CNTN4: variants seen among roughly 807,000 people sequenced by gnomAD.
The protein encoded by CNTN4 is contactin-4.
A neutral mutation model predicts 122.5 loss-of-function variants in CNTN4; 77 were observed. The ratio of observed to expected loss-of-function variants is 0.63; its 90% CI spans 0.52 to 0.76. The LOEUF (loss-of-function observed/expected upper bound fraction) is 0.76, where lower values mean the gene tolerates loss of function less well. CNTN4 is among the 30% of genes least tolerant of loss of function. The probability of loss-of-function intolerance (pLI) is 0.00; values close to 1 mark genes in which losing one functional copy is unlikely to be tolerated. For missense variants in CNTN4, 1,256 were observed against 1,259.1 expected, an observed-to-expected ratio of 1.00 and a Z score of 0.04; for synonymous variants, 512 against 447.0, an observed-to-expected ratio of 1.15 and a Z score of -1.83.
At chr3:2,737,610 T>A (rs1247687271) in intron 5 of CNTN4, among the ~76,000 whole-genome samples, 2 of 152,318 alleles carry the variant, frequency 1.3e-5, no homozygotes, top group East Asian at 3.9e-4. Flanking sequence ...ATGTCAGAAG[T>A]CTACAAGTAA....
At chr3:2,418,316 CTG>C (rs570806212) in intron 3 of CNTN4, among the ~76,000 whole-genome samples, 2 of 148,082 alleles carry the variant, frequency 1.4e-5, no homozygotes, top group Non-Finnish European at 3.1e-5. Context: ...AAAATAAAGT[CTG>C]TTAAAAAATC....
intron 10 of CNTN4, among the ~76,000 whole-genome samples, chr3:2,898,078 T>G (rs2094134607): frequency 6.6e-6 from 1 of 152,168 alleles, no homozygotes; most frequent in Non-Finnish European, 1.5e-5. Context: ...TTATTCTAGT[T>G]TGAAAAACTC....
intron 3 of CNTN4, among the ~76,000 whole-genome samples, chr3:2,547,544 C>T (rs1043419006): frequency 3.9e-5 from 6 of 152,096 alleles, no homozygotes; most frequent in Non-Finnish European, 7.4e-5. Flanking sequence ...GAATTGCAGG[C>T]GTGAGCCATC....
In CNTN4 at chr3:2,484,388, G is replaced by A. The variant is rs1254855756; in HGVS notation, c.-88-87028G>A. Among the ~76,000 whole-genome samples the A allele has an allele frequency of 1.3e-5, 2 of 151,992 alleles. No individual in the cohort carries two copies. Among genetic ancestry groups the A allele is most frequent in the Non-Finnish European group, 2.9e-5 (2 of 68,016 alleles). Reference sequence around the variant, plus strand: ...TAACTCATGGTTTGTTAATTGCATCGGCATGAAGAGGAACTGCAAATGGCC... The same window carrying A: ...TAACTCATGGTTTGTTAATTGCATCAGCATGAAGAGGAACTGCAAATGGCC... On this transcript the variant is annotated intron_variant, in intron 3 of 24. Coordinates refer to ENST00000418658, the MANE Select transcript of CNTN4 (RefSeq NM_175607.3).
chr3:2,728,503 C>A (rs2088404164), intron 4 of CNTN4, among the ~76,000 whole-genome samples: 1 of 152,212 alleles, frequency 6.6e-6, no homozygotes, highest in South Asian at 2.1e-4. Context: ...GCACACCCAA[C>A]AACCCAGCTT....
intron 3 of CNTN4, among the ~76,000 whole-genome samples, chr3:2,468,443 T>C (rs1048510658): frequency 3.3e-5 from 5 of 152,152 alleles, no homozygotes; most frequent in Non-Finnish European, 5.9e-5. Flanking sequence ...AAGCAGATTG[T>C]TAGAACAAGA....
chr3:2,162,280 T>A (rs1300956523), intron 2 of CNTN4, among the ~76,000 whole-genome samples: 2 of 152,230 alleles, frequency 1.3e-5, no homozygotes, highest in Admixed American at 6.5e-5. Context: ...CAGAGTTCTA[T>A]TCATTTACTA....
chr3:2,102,305 C>T (rs1216687700), intron 2 of CNTN4, among the ~76,000 whole-genome samples: 1 of 152,182 alleles, frequency 6.6e-6, no homozygotes, highest in East Asian at 1.9e-4. Flanking sequence ...ATTACATTTA[C>T]AGTCCTGGGC....
intron 3 of CNTN4, among the ~76,000 whole-genome samples, chr3:2,470,691 A>G (rs2075656300): frequency 6.6e-6 from 1 of 152,200 alleles, no homozygotes; most frequent in African/African-American, 2.4e-5. Context: ...TCTCTAACCC[A>G]TAAGAACGAA....
intron 3 of CNTN4, among the ~76,000 whole-genome samples, chr3:2,558,362 T>C (rs1000924291): frequency 6.6e-6 from 1 of 152,218 alleles, no homozygotes; most frequent in African/African-American, 2.4e-5. Context: ...TTCTTACTCT[T>C]CTTGAGTCTG....
chr3:2,618,594 T>TA (rs1353148214), intron 4 of CNTN4, among the ~76,000 whole-genome samples: 2 of 152,162 alleles, frequency 1.3e-5, no homozygotes, highest in Non-Finnish European at 2.9e-5. Flanking sequence ...CCTCATAAAT[T>TA]AAACAGTTTG....
chr3:3,014,800 A>G (rs750269677), intron 14 of CNTN4, among the ~76,000 whole-genome samples: 2 of 151,898 alleles, frequency 1.3e-5, no homozygotes, highest in Non-Finnish European at 2.9e-5. Flanking sequence ...TACCTAATTT[A>G]AAAGACATGA....
intron 4 of CNTN4, among the ~76,000 whole-genome samples, chr3:2,720,005 G>T (rs2087742098): frequency 6.6e-6 from 1 of 152,058 alleles, no homozygotes; most frequent in Admixed American, 6.5e-5. Context: ...AATGATAAAA[G>T]CTGGGGAACA....
intron 6 of CNTN4, among the ~76,000 whole-genome samples, chr3:2,782,003 A>T (rs192803586): frequency 2.6e-5 from 4 of 151,848 alleles, no homozygotes; most frequent in Admixed American, 2.6e-4. Flanking sequence ...GATTACAGGC[A>T]TGAGCCACCG....
At chr3:3,030,174 C>G (rs566732217) in intron 15 of CNTN4, among the ~76,000 whole-genome samples, 1 of 152,260 alleles carries the variant, frequency 6.6e-6, no homozygotes, top group African/African-American at 2.4e-5. Context: ...GGAATCATCT[C>G]CTCACATTTA....
chr3:2,812,530 A>G (rs1239596776), intron 6 of CNTN4, among the ~76,000 whole-genome samples: 2 of 152,082 alleles, frequency 1.3e-5, no homozygotes, highest in Non-Finnish European at 2.9e-5. Flanking sequence ...AGAAGAGGAT[A>G]TATTTTAAGT....
chr3:2,331,534 T>G (rs2043721236), intron 2 of CNTN4, among the ~76,000 whole-genome samples: 1 of 152,150 alleles, frequency 6.6e-6, no homozygotes, highest in East Asian at 1.9e-4. Context: ...ATGTAATCAC[T>G]GATTTAGAGC....
At chr3:2,897,913 C>T (rs1028152481) in intron 10 of CNTN4, among the ~76,000 whole-genome samples, 5 of 152,010 alleles carry the variant, frequency 3.3e-5, no homozygotes, top group African/African-American at 1.2e-4. Context: ...CGATAAATAC[C>T]CTGTACCCAA....
chr3:2,163,910 G>C (rs1482835165), intron 2 of CNTN4, among the ~76,000 whole-genome samples: 1 of 152,164 alleles, frequency 6.6e-6, no homozygotes, highest in African/African-American at 2.4e-5. Flanking sequence ...ATGTAAACTA[G>C]TACAACCACT....
Sources: gnomAD v4.1 joint callset for allele counts (sites outside exome capture counted in the v4.1 genomes callset) on GRCh38, gnomAD v4.1.1 for gene constraint, MANE v1.5 for transcripts, NCBI Gene and HGNC (gene_info 2026-07-23, HGNC 2026-07-21) for gene names.